IGF1R: variants seen among roughly 807,000 people sequenced by gnomAD.
IGF1R encodes the protein insulin-like growth factor 1 receptor.
A neutral mutation model predicts 144.6 loss-of-function variants in IGF1R; 44 were observed. That is an observed-to-expected ratio of 0.30 (90% CI 0.24 to 0.39). The LOEUF (loss-of-function observed/expected upper bound fraction) is 0.39. Ranked by LOEUF, IGF1R falls within the 10% of genes least tolerant of loss-of-function variation. The probability of loss-of-function intolerance (pLI) is 1.00; values close to 1 mark genes in which losing one functional copy is unlikely to be tolerated. For missense variants in IGF1R, 1,355 were observed against 1,833.7 expected (o/e 0.74, Z 4.77); for synonymous variants, 795 against 722.8 (o/e 1.10, Z -1.60).
chr15:98,895,954 A>T (rs1239303285), intron 3 of IGF1R, among the ~76,000 whole-genome samples: 2 of 152,078 alleles, frequency 1.3e-5, no homozygotes, highest in East Asian at 1.9e-4. Context: ...CCAAAGGTTC[A>T]GCTGCTGGGC....
intron 1 of IGF1R, among the ~76,000 whole-genome samples, chr15:98,684,799 G>C (rs1045561131): frequency 6.6e-6 from 1 of 152,048 alleles, no homozygotes; most frequent in African/African-American, 2.4e-5. Context: ...TCTATCCAGC[G>C]CTAATATTTA....
At chr15:98,677,953 C>A (rs1240567607) in intron 1 of IGF1R, among the ~76,000 whole-genome samples, 1 of 152,192 alleles carries the variant, frequency 6.6e-6, no homozygotes, top group Non-Finnish European at 1.5e-5. Context: ...ATGTTGATTA[C>A]AGGCATATTT....
intron 2 of IGF1R, among the ~76,000 whole-genome samples, chr15:98,710,905 G>T (rs560551755): frequency 1.3e-5 from 2 of 151,542 alleles, no homozygotes; most frequent in Non-Finnish European, 2.9e-5. Flanking sequence ...CCTGACCTCA[G>T]ATGATCCGCC....
chr15:98,917,208 C>G (rs1051823863), intron 10 of IGF1R, among the ~76,000 whole-genome samples: 1 of 152,104 alleles, frequency 6.6e-6, no homozygotes, highest in Non-Finnish European at 1.5e-5. Flanking sequence ...CAGCTGCTGC[C>G]TGGTGAGAGG....
chr15:98,828,774 GTTTT>G (rs200266374), intron 2 of IGF1R, among the ~76,000 whole-genome samples: 5 of 124,006 alleles, frequency 4.0e-5, no homozygotes, highest in Non-Finnish European at 8.5e-5. Context: ...GCTGAGCATG[GTTTT>G]TTTTTTTTTT....
intron 18 of IGF1R, among the ~76,000 whole-genome samples, chr15:98,939,663 G>T (rs750014032): frequency 6.6e-6 from 1 of 152,204 alleles, no homozygotes; most frequent in Non-Finnish European, 1.5e-5. Context: ...AAATAATTAA[G>T]ACAATGTCTT....
intron 20 of IGF1R, among the ~76,000 whole-genome samples, 156 bp from the exon 21 acceptor site, chr15:98,956,905 C>T (rs1339416429): frequency 6.6e-6 from 1 of 152,142 alleles, no homozygotes; most frequent in African/African-American, 2.4e-5. Context: ...CTTGGCCATC[C>T]AGGCAGAAAG....
At chr15:98,854,798 C>G (rs1375285391) in intron 2 of IGF1R, among the ~76,000 whole-genome samples, 2 of 152,190 alleles carry the variant, frequency 1.3e-5, no homozygotes, top group African/African-American at 4.8e-5. Flanking sequence ...AATCTCCCAT[C>G]ACTACTTTAA....
At chr15:98,933,839 C>T (rs1014134607) in intron 15 of IGF1R, among the ~76,000 whole-genome samples, 1 of 152,156 alleles carries the variant, frequency 6.6e-6, no homozygotes, top group Non-Finnish European at 1.5e-5. Flanking sequence ...GGGTCTCTCC[C>T]TCAGTCTCAG....
Position 98,741,800 on chromosome 15 carries a change from A to C in IGF1R, c.640+33693A>C, listed in dbSNP as rs552908307. ...GGTGTAAAACTTTTAATAAATTTAA[A>C]GGCATGTCTCTGTTTTTCTCCTCCT... is the stretch of plus-strand genomic sequence containing the variant. On this transcript the variant is annotated intron_variant, in intron 2 of 20. Coordinates refer to ENST00000650285, the MANE Select transcript of IGF1R (RefSeq NM_000875.5). Among the ~76,000 whole-genome samples the C allele has an allele frequency of 7.2e-5, 11 of 152,344 alleles. No individual in the cohort carries two copies. The East Asian group carries it at 2.1e-3, about 29-fold the overall frequency.
chr15:98,698,998 T>A (rs912512400), intron 1 of IGF1R, among the ~76,000 whole-genome samples: 2 of 152,242 alleles, frequency 1.3e-5, no homozygotes, highest in African/African-American at 4.8e-5. Flanking sequence ...TAATGTGTTC[T>A]ACAAAATGAA....
intron 1 of IGF1R, among the ~76,000 whole-genome samples, chr15:98,652,925 CAAT>C (rs1403502621): frequency 1.4e-5 from 2 of 139,908 alleles, no homozygotes; most frequent in African/African-American, 5.5e-5. Flanking sequence ...AATTATATCT[CAAT>C]AAACCCTTTT....
intron 2 of IGF1R, among the ~76,000 whole-genome samples, chr15:98,750,963 G>GT (rs143914749): frequency 0.031 from 4,657 of 151,010 alleles, 217 homozygotes; most frequent in African/African-American, 0.1. Context: ...TAATTTTTGT[G>GT]TTTTTTTTGT....
At chr15:98,682,410 G>GA (rs1483809009) in intron 1 of IGF1R, among the ~76,000 whole-genome samples, 2 of 152,174 alleles carry the variant, frequency 1.3e-5, no homozygotes, top group East Asian at 3.8e-4. Flanking sequence ...TTCATGGGGA[G>GA]AAGTGTCAGG....
At chr15:98,894,373 G>A (rs551097343) in intron 3 of IGF1R, among the ~76,000 whole-genome samples, 7 of 152,138 alleles carry the variant, frequency 4.6e-5, no homozygotes, top group Non-Finnish European at 7.3e-5. Context: ...GTACACCATC[G>A]TCCATAGCAG....
chr15:98,852,707 CCCTCCCTCCG>C (rs965378150), intron 2 of IGF1R, among the ~76,000 whole-genome samples: 2 of 152,148 alleles, frequency 1.3e-5, no homozygotes, highest in Non-Finnish European at 1.5e-5. Context: ...GTCGGGGAAT[CCCTCCCTCCG>C]CCTCCCGCCG....
intron 2 of IGF1R, among the ~76,000 whole-genome samples, chr15:98,840,160 G>A (rs2011149030): frequency 6.6e-6 from 1 of 152,142 alleles, no homozygotes; most frequent in Non-Finnish European, 1.5e-5. Context: ...TGAGTGCAGG[G>A]AGGACTGTCA....
rs975989631 is a variant in IGF1R at position 98,956,994 on chromosome 15, C to T, written c.3723-67C>T. The T allele has an allele frequency of 8.3e-6, 13 of 1,573,772 alleles. No homozygotes were observed. In the African/African-American group the frequency reaches 9.4e-5, roughly 11 times the overall value. Reference sequence around the variant, plus strand: ...GTATGCGGGAAACCACTGCAGGCGGCCCATGAAGCCTCCTGGCCATGTGCG... The same window carrying T: ...GTATGCGGGAAACCACTGCAGGCGGTCCATGAAGCCTCCTGGCCATGTGCG... On this transcript the variant is annotated intron_variant, in intron 20 of 20. Transcript: ENST00000650285.
intron 10 of IGF1R, among the ~76,000 whole-genome samples, chr15:98,921,256 T>A (rs533207031): frequency 6.6e-5 from 10 of 152,304 alleles, no homozygotes. Context: ...ACATTAGAAT[T>A]CTGTTTTAAG....
Sources: allele counts gnomAD v4.1 joint callset (sites outside exome capture counted in the v4.1 genomes callset), GRCh38; gene constraint gnomAD v4.1.1; transcripts MANE v1.5; gene names NCBI Gene and HGNC (gene_info 2026-07-23, HGNC 2026-07-21).